The following ST3GAL3 variants were observed in gnomAD, a reference collection of about 807,000 sequenced individuals.
ST3GAL3 encodes ST3 beta-galactoside alpha-2,3-sialyltransferase 3.
A neutral mutation model predicts 50.1 loss-of-function variants in ST3GAL3; 21 were observed. The observed-to-expected ratio is 0.42, with a 90% CI of 0.30 to 0.60. The LOEUF is 0.60. Ranked by LOEUF, ST3GAL3 falls within the 20% of genes least tolerant of loss-of-function variation. The probability of loss-of-function intolerance (pLI) is 0.19; values close to 1 mark genes in which losing one functional copy is unlikely to be tolerated. For synonymous variants in ST3GAL3, 183 were observed against 190.0 expected, an observed-to-expected ratio of 0.96 and a Z score of 0.30; for missense variants, 353 against 489.4, an observed-to-expected ratio of 0.72 and a Z score of 2.63.
chr1:43,817,784 T>TTCTCCTCCTCCC (rs2061576781), intron 4 of ST3GAL3, among the ~76,000 whole-genome samples: 1 of 118,684 alleles, frequency 8.4e-6, no homozygotes, highest in Admixed American at 8.0e-5. Flanking sequence ...CTCCTCCTTC[T>TTCTCCTCCTCCC]TCTCCTCCTC....
chr1:43,925,553 AG>A (rs1286770064), intron 11 of ST3GAL3, among the ~76,000 whole-genome samples: 2 of 152,216 alleles, frequency 1.3e-5, no homozygotes, highest in African/African-American at 4.8e-5. Flanking sequence ...TCCCCAGAAG[AG>A]GATTCACTGA....
intron 1 of ST3GAL3, chr1:43,709,532 T>A (rs888509857): frequency 6.6e-6 from 1 of 151,840 alleles, no homozygotes; most frequent in Non-Finnish European, 1.5e-5. Flanking sequence ...CACAGGCAGG[T>A]GACCTGGAGA....
intron 2 of ST3GAL3, among the ~76,000 whole-genome samples, chr1:43,761,701 A>G (rs963775767): frequency 5.3e-5 from 8 of 152,162 alleles, no homozygotes; most frequent in Middle Eastern, 6.8e-3. Flanking sequence ...CTGTAATCCC[A>G]GCACTTTGGG....
chr1:43,851,367 T>C, intron 5 of ST3GAL3: 5 of 1,587,722 alleles, frequency 3.1e-6, no homozygotes, highest in Non-Finnish European at 4.3e-6. Flanking sequence ...ACACTCAAAG[T>C]TTGCAGGGGA....
chr1:43,930,337 C>G lies in ST3GAL3; in HGVS notation c.*116C>G, dbSNP rs2084859463. On this transcript the variant is annotated 3_prime_UTR_variant, in exon 12 of 12. Coordinates refer to ENST00000347631, the MANE Select transcript of ST3GAL3 (RefSeq NM_006279.5). ...ACGGTGCCAAGGGCCCCAGGGGCAG[C>G]AAGGCCTTGGTGGAGCAGCCAGAGC... 3.0e-6 allele frequency: 3 copies of G among 1,008,844 alleles called. No homozygotes were observed. The highest frequency in any genetic ancestry group is 4.7e-6 in the Non-Finnish European group (3 of 644,576). 62.5% of individuals were successfully genotyped at this position (1,008,844 alleles called of 1,614,324 possible).
At position 43,897,088 on chromosome 1, in the gene ST3GAL3, G is replaced by GT. The variant is rs546331081; in HGVS notation, c.398-1133dup. Among the ~76,000 whole-genome samples, 853 of 124,674 alleles carry GT rather than the reference G, an allele frequency of 6.8e-3. 4 individuals are homozygous for GT. The highest frequency in any genetic ancestry group is 0.017 in the Middle Eastern group (4 of 232). The allele number at this position is 124,674 out of a possible 152,430, so 81.8% of individuals were successfully genotyped here. On this transcript the variant is annotated intron_variant, in intron 6 of 11. Transcript: ENST00000347631. ...GATTTCATACACCACATTTAATCTG[G>GT]TTTTTTTTTTTTTTGGTGGACATTC...
chr1:43,922,862 G>T (rs1418699893), intron 11 of ST3GAL3, among the ~76,000 whole-genome samples: 1 of 151,380 alleles, frequency 6.6e-6, no homozygotes, highest in Non-Finnish European at 1.5e-5. Context: ...AGCACTTTGG[G>T]AGGCCGAGGT....
chr1:43,868,081 A>G (rs1244516593), intron 5 of ST3GAL3, among the ~76,000 whole-genome samples: 1 of 152,240 alleles, frequency 6.6e-6, no homozygotes, highest in Non-Finnish European at 1.5e-5. Context: ...CTGTTGCAAC[A>G]TGTTTATGAT....
chr1:43,829,238 ATTTC>A (rs1158742857), intron 4 of ST3GAL3, among the ~76,000 whole-genome samples: 1 of 152,170 alleles, frequency 6.6e-6, no homozygotes, highest in Non-Finnish European at 1.5e-5. Flanking sequence ...TCCTAGTTGA[ATTTC>A]TTTATTTCTT....
chr1:43,817,078 G>A (rs527775367), intron 4 of ST3GAL3, among the ~76,000 whole-genome samples: 1 of 152,326 alleles, frequency 6.6e-6, no homozygotes, highest in East Asian at 1.9e-4. Context: ...GTATAGGAAA[G>A]GACCTGAACT....
chr1:43,866,742 C>T (rs188374061), intron 5 of ST3GAL3, among the ~76,000 whole-genome samples: 1 of 152,108 alleles, frequency 6.6e-6, no homozygotes, highest in Non-Finnish European at 1.5e-5. Flanking sequence ...GTGTTACATC[C>T]TAGATGCTGG....
At chr1:43,734,591 T>C (rs916339211) in intron 1 of ST3GAL3, among the ~76,000 whole-genome samples, 39 of 152,304 alleles carry the variant, frequency 2.6e-4, no homozygotes, top group Middle Eastern at 3.4e-3. Context: ...ATTATAGGCG[T>C]GAGCCACTGT....
chr1:43,826,249 C>A (rs753800027), intron 4 of ST3GAL3, among the ~76,000 whole-genome samples: 18 of 152,158 alleles, frequency 1.2e-4, no homozygotes, highest in Non-Finnish European at 2.1e-4. Context: ...CAGAGTGAGA[C>A]CCTGTCTCAA....
At chr1:43,814,034 C>T (rs376588056) in intron 3 of ST3GAL3, among the ~76,000 whole-genome samples, 41 of 152,258 alleles carry the variant, frequency 2.7e-4, no homozygotes, top group African/African-American at 9.9e-4. Context: ...TCCCTCAAGT[C>T]TTAGTATCAA....
intron 2 of ST3GAL3, among the ~76,000 whole-genome samples, chr1:43,752,056 A>C (rs1479419005): frequency 6.6e-6 from 1 of 152,072 alleles, no homozygotes; most frequent in African/African-American, 2.4e-5. Context: ...ACCTCAGGCT[A>C]TCCTCCTGCC....
intron 9 of ST3GAL3, among the ~76,000 whole-genome samples, chr1:43,907,551 C>T (rs1207417074): frequency 2.0e-5 from 3 of 152,180 alleles, no homozygotes; most frequent in African/African-American, 4.8e-5. Context: ...TGTCCAGCTG[C>T]ACAGGGAAAA....
intron 1 of ST3GAL3, among the ~76,000 whole-genome samples, chr1:43,722,138 A>G (rs1301210804): frequency 6.6e-6 from 1 of 152,186 alleles, no homozygotes; most frequent in African/African-American, 2.4e-5. Context: ...AACCTAACCT[A>G]AAGCCTGGAG....
intron 1 of ST3GAL3, among the ~76,000 whole-genome samples, chr1:43,729,092 T>TC (rs1553256447): frequency 6.8e-5 from 10 of 146,162 alleles, no homozygotes; most frequent in African/African-American, 2.5e-4. Context: ...TATTTTTCTT[T>TC]TTTTTTTTTT....
chr1:43,769,725 C>A (rs1279120223), intron 2 of ST3GAL3, among the ~76,000 whole-genome samples: 3 of 152,196 alleles, frequency 2.0e-5, no homozygotes, highest in Admixed American at 2.0e-4. Context: ...AATTAGTCAT[C>A]CGGGAAACTA....
Sources: gnomAD v4.1 joint callset for allele counts (sites outside exome capture counted in the v4.1 genomes callset) on GRCh38, gnomAD v4.1.1 for gene constraint, MANE v1.5 for transcripts, NCBI Gene and HGNC (gene_info 2026-07-23, HGNC 2026-07-21) for gene names.